CAP2: variants seen among roughly 807,000 people sequenced by gnomAD.
The protein encoded by CAP2 is adenylyl cyclase-associated protein 2.
A neutral mutation model predicts 57.7 loss-of-function variants in CAP2; 24 were observed. That is an observed-to-expected ratio of 0.42 (90% confidence interval 0.30 to 0.58). The LOEUF is 0.58. CAP2 is among the 20% of genes least tolerant of loss of function. The pLI is 0.22. For synonymous variants in CAP2, 194 were observed against 207.2 expected, an observed-to-expected ratio of 0.94 and a Z score of 0.55; for missense variants, 501 against 590.3, an observed-to-expected ratio of 0.85 and a Z score of 1.57.
intron 6 of CAP2, among the ~76,000 whole-genome samples, chr6:17,511,636 T>C (rs1459989992): frequency 6.6e-6 from 1 of 152,110 alleles, no homozygotes; most frequent in Non-Finnish European, 1.5e-5. Context: ...GCATTTTTAG[T>C]GGAGACGGAG....
At chr6:17,465,342 G>T (rs934740484) in intron 4 of CAP2, among the ~76,000 whole-genome samples, 6 of 152,074 alleles carry the variant, frequency 3.9e-5, no homozygotes, top group Non-Finnish European at 7.3e-5. Flanking sequence ...GGCATGAACC[G>T]CTGTGCCTGG....
At chr6:17,405,389 A>T (rs999481667) in intron 1 of CAP2, among the ~76,000 whole-genome samples, 2 of 152,192 alleles carry the variant, frequency 1.3e-5, no homozygotes, top group African/African-American at 4.8e-5. Context: ...CTCAAAATTT[A>T]AAAAAGTTTA....
chr6:17,466,817 G>A (rs544382817), intron 4 of CAP2, among the ~76,000 whole-genome samples: 1 of 152,184 alleles, frequency 6.6e-6, no homozygotes, highest in East Asian at 1.9e-4. Flanking sequence ...AGTAGGCCGT[G>A]TTATGCTGCA....
chr6:17,529,189 A>G (rs956896174), intron 7 of CAP2, among the ~76,000 whole-genome samples: 4 of 152,242 alleles, frequency 2.6e-5, no homozygotes, highest in African/African-American at 9.6e-5. Context: ...TTACTTGACT[A>G]TAGTTGTCTT....
intron 4 of CAP2, among the ~76,000 whole-genome samples, chr6:17,475,170 G>A (rs1761120091): frequency 6.7e-6 from 1 of 150,332 alleles, no homozygotes; most frequent in African/African-American, 2.5e-5. Context: ...ACTTCAGCCT[G>A]CGCAGCAGAG....
chr6:17,496,327 G>C (rs1761668922), intron 4 of CAP2, among the ~76,000 whole-genome samples: 1 of 149,618 alleles, frequency 6.7e-6, no homozygotes, highest in Non-Finnish European at 1.5e-5. Context: ...GGTTTCTTTA[G>C]TATCTTGTTC....
chr6:17,478,425 C>T (rs1056691189), intron 4 of CAP2, among the ~76,000 whole-genome samples: 1 of 151,552 alleles, frequency 6.6e-6, no homozygotes, highest in Non-Finnish European at 1.5e-5. Context: ...AGATTACAGG[C>T]GTGAGTCACC....
At chr6:17,394,167 G>A (rs1428393559) in intron 1 of CAP2, among the ~76,000 whole-genome samples, 2 of 147,514 alleles carry the variant, frequency 1.4e-5, no homozygotes, top group South Asian at 2.1e-4. Flanking sequence ...TTCCAGGGGG[G>A]TGGGGGTGGG....
intron 11 of CAP2, among the ~76,000 whole-genome samples, chr6:17,544,857 A>G (rs1224264493): frequency 6.6e-6 from 1 of 152,148 alleles, no homozygotes; most frequent in Non-Finnish European, 1.5e-5. Flanking sequence ...ACCCAGCCCC[A>G]GTTTAGTATT....
chr6:17,397,243 A>G (rs1758689387), intron 1 of CAP2, among the ~76,000 whole-genome samples: 1 of 151,968 alleles, frequency 6.6e-6, no homozygotes, highest in Non-Finnish European at 1.5e-5. Context: ...CATTTTTAGT[A>G]GAGAAGGGGT....
chr6:17,549,654 A>C (rs1017820404), intron 11 of CAP2, among the ~76,000 whole-genome samples: 1 of 152,236 alleles, frequency 6.6e-6, no homozygotes, highest in Non-Finnish European at 1.5e-5. Flanking sequence ...ACACTCACCC[A>C]TTCTGCATTC....
Position 17,543,124 on chromosome 6 carries a change from C to A in CAP2, c.1190C>A (p.Ser397Tyr). ...GTGGGCATTGTGGAAGTGATCAACT[C>A]CCAGGACATTCAAATCCAGGTAAGC... Reference protein sequence around the residue: ...NVVGIVEVINSQDIQIQVMGR... With the variant: ...NVVGIVEVINYQDIQIQVMGR... Residue 397 changes from serine (S) to tyrosine (Y), a missense_variant, in exon 11 of 13, where the codon TCC (serine) becomes TAC (tyrosine). Transcript: ENST00000229922. 1 of 1,613,666 alleles carries A rather than the reference C, an allele frequency of 6.2e-7. No individual in the cohort carries two copies. The highest frequency in any genetic ancestry group is 8.5e-7 in the Non-Finnish European group (1 of 1,179,622).
At chr6:17,550,329 A>G (rs1763139574) in intron 11 of CAP2, among the ~76,000 whole-genome samples, 1 of 150,840 alleles carries the variant, frequency 6.6e-6, no homozygotes, top group South Asian at 2.1e-4. Flanking sequence ...TTAAATATAC[A>G]TATATGTGCT....
rs1368682340 is a variant in CAP2, at chr6:17,435,161, C to A, written c.222+8471C>A. Among the ~76,000 whole-genome samples the A allele has an allele frequency of 7.3e-5, 8 of 109,228 alleles. No individual in the cohort carries two copies. In the East Asian group the frequency reaches 1.4e-3, roughly 19 times the overall value. 71.7% of individuals were successfully genotyped at this position (109,228 alleles called of 152,430 possible). On this transcript the variant is annotated intron_variant, in intron 3 of 12. Coordinates refer to ENST00000229922, the MANE Select transcript of CAP2 (RefSeq NM_006366.3). ...ATCTAGAACTAGAAATACCATTTGA[C>A]CCAGCCATCCCATTACTGGGTATAT...
At chr6:17,548,043 G>A (rs994626045) in intron 11 of CAP2, among the ~76,000 whole-genome samples, 28 of 151,774 alleles carry the variant, frequency 1.8e-4, no homozygotes, top group African/African-American at 4.1e-4. Context: ...AAAATCAATA[G>A]CATTTCTTTC....
In CAP2 at chr6:17,513,831, C is replaced by G; in HGVS notation, c.531-18C>G. 6.5e-7 allele frequency: 1 copy of G among 1,544,232 alleles called. No homozygotes were observed. The highest frequency in any genetic ancestry group is 9.0e-7 in the Non-Finnish European group (1 of 1,116,122). ...TAGATCCTAACTCTGCTTTCTTCAACCCTCTTTCACAACAAAGTGATTTGC... is the reference window on the plus strand; with the variant it reads ...TAGATCCTAACTCTGCTTTCTTCAAGCCTCTTTCACAACAAAGTGATTTGC... On this transcript the variant is annotated intron_variant, in intron 6 of 12. Coordinates refer to ENST00000229922, the MANE Select transcript of CAP2 (RefSeq NM_006366.3). The surrounding 1 kb of genome is among the most constrained non-coding windows in gnomAD (Gnocchi z 4.3).
At chr6:17,434,211 C>T (rs1314400989) in intron 3 of CAP2, among the ~76,000 whole-genome samples, 3 of 149,496 alleles carry the variant, frequency 2.0e-5, no homozygotes, top group Non-Finnish European at 3.0e-5. Flanking sequence ...AATTTCTTTT[C>T]TTTTTTTTTC....
intron 1 of CAP2, among the ~76,000 whole-genome samples, chr6:17,420,458 G>A (rs1199493650): frequency 6.6e-6 from 1 of 152,180 alleles, no homozygotes; most frequent in Non-Finnish European, 1.5e-5. Context: ...AGAGGTGATG[G>A]CCTCTTTGCC....
At chr6:17,506,252 A>G (rs1340401718) in intron 4 of CAP2, among the ~76,000 whole-genome samples, 2 of 152,188 alleles carry the variant, frequency 1.3e-5, no homozygotes, top group East Asian at 3.8e-4. Flanking sequence ...TCGGTTGCTG[A>G]ATTAGCAGAA....
Sources: gnomAD v4.1 joint callset for allele counts (sites outside exome capture counted in the v4.1 genomes callset) on GRCh38, gnomAD v4.1.1 for gene constraint, Gnocchi (gnomAD v3.1) non-coding constraint, MANE v1.5 for transcripts, NCBI Gene and HGNC (gene_info 2026-07-23, HGNC 2026-07-21) for gene names.